Variants in EPHA6 observed in about 807,000 individuals in gnomAD.
EPHA6 encodes ephrin type-A receptor 6.
In EPHA6, 50 loss-of-function variants were observed where a neutral mutation model predicts 112.0. The ratio of observed to expected loss-of-function variants is 0.45; its 90% CI spans 0.36 to 0.56. The LOEUF (loss-of-function observed/expected upper bound fraction) is 0.56, where lower values mean the gene tolerates loss of function less well. Among genes scored for constraint, EPHA6 ranks in the 20% least tolerant of loss-of-function variants. The pLI is 0.00. For missense variants in EPHA6, 1,280 were observed against 1,417.4 expected (o/e 0.90, Z 1.56); for synonymous variants, 529 against 490.7 (o/e 1.08, Z -1.03).
chr3:97,653,456 T>A (rs878932526), intron 14 of EPHA6, among the ~76,000 whole-genome samples: 2 of 151,886 alleles, frequency 1.3e-5, no homozygotes, highest in Admixed American at 1.3e-4. Flanking sequence ...CAATAAGATA[T>A]CACCTCATAC....
chr3:97,210,720 A>G (rs1369254249), intron 3 of EPHA6, among the ~76,000 whole-genome samples: 1 of 152,008 alleles, frequency 6.6e-6, no homozygotes, highest in African/African-American at 2.4e-5. Context: ...AGTGCTACAT[A>G]AAAAAACACC....
intron 3 of EPHA6, among the ~76,000 whole-genome samples, chr3:97,130,392 G>C (rs750165821): frequency 3.4e-5 from 5 of 148,208 alleles, no homozygotes; most frequent in Non-Finnish European, 7.6e-5. Flanking sequence ...ATTGTAAATT[G>C]GTTTGGTCAT....
chr3:96,837,761 CAA>C (rs1316138945), intron 1 of EPHA6, among the ~76,000 whole-genome samples: 3 of 151,896 alleles, frequency 2.0e-5, no homozygotes. Flanking sequence ...AAAATTAAAA[CAA>C]AATATAAGGC....
intron 5 of EPHA6, among the ~76,000 whole-genome samples, chr3:97,272,321 TGTGTGTGTGTGTA>T (rs2079912524): frequency 9.9e-6 from 1 of 100,552 alleles, no homozygotes; most frequent in African/African-American, 2.9e-5. Flanking sequence ...TGTGTGTGTG[TGTGTGTGTGTGTA>T]CATACATATG....
chr3:97,013,488 C>G (rs1443077074), intron 3 of EPHA6, among the ~76,000 whole-genome samples: 1 of 152,066 alleles, frequency 6.6e-6, no homozygotes, highest in African/African-American at 2.4e-5. Flanking sequence ...CTAATATTTA[C>G]TGTGTACCCA....
intron 3 of EPHA6, among the ~76,000 whole-genome samples, chr3:97,001,337 A>G (rs1160760642): frequency 1.3e-5 from 2 of 151,944 alleles, no homozygotes; most frequent in African/African-American, 4.8e-5. Flanking sequence ...TAAGAAAATC[A>G]TCCCAGATGT....
intron 13 of EPHA6, among the ~76,000 whole-genome samples, chr3:97,623,540 T>C (rs1397493906): frequency 6.6e-6 from 1 of 151,702 alleles, no homozygotes; most frequent in Non-Finnish European, 1.5e-5. Context: ...CTTACTATCC[T>C]TCTAAGATGG....
chr3:97,672,092 G>T (rs1051411225), intron 14 of EPHA6, among the ~76,000 whole-genome samples: 1 of 152,128 alleles, frequency 6.6e-6, no homozygotes, highest in African/African-American at 2.4e-5. Flanking sequence ...AAAGAATCTA[G>T]TTAAATCCCA....
chr3:96,945,328 A>T (rs1406204524), intron 2 of EPHA6, among the ~76,000 whole-genome samples: 1 of 152,156 alleles, frequency 6.6e-6, no homozygotes, highest in Non-Finnish European at 1.5e-5. Flanking sequence ...TCCAGAGTTG[A>T]TGGATTCCTT....
rs1237699761 is a variant in EPHA6, at chr3:97,621,220, C to T, written c.2574+10366C>T. On this transcript the variant is annotated intron_variant, in intron 13 of 17. Transcript: ENST00000389672. ...AAGTGAGAACTAAATGATGAGAACA[C>T]ATGGACAACACATAGAAGGGAACAA... is the stretch of plus-strand genomic sequence containing the variant. Among the ~76,000 whole-genome samples, 4 of 151,886 alleles carry T rather than the reference C, an allele frequency of 2.6e-5. No homozygotes were observed. The South Asian group carries it at 6.2e-4, about 24-fold the overall frequency.
intron 15 of EPHA6, among the ~76,000 whole-genome samples, chr3:97,729,204 A>C (rs1576364820): frequency 6.6e-6 from 1 of 152,098 alleles, no homozygotes; most frequent in Non-Finnish European, 1.5e-5. Context: ...TTATTAGTAT[A>C]CCTAATTTCA....
At chr3:96,882,457 G>A (rs537577123) in intron 2 of EPHA6, among the ~76,000 whole-genome samples, 1 of 152,044 alleles carries the variant, frequency 6.6e-6, no homozygotes, top group African/African-American at 2.4e-5. Context: ...TATCACCTGA[G>A]CAGTATACAC....
intron 3 of EPHA6, among the ~76,000 whole-genome samples, chr3:97,120,727 T>C (rs79321080): frequency 6.6e-6 from 1 of 151,978 alleles, no homozygotes; most frequent in Non-Finnish European, 1.5e-5. Flanking sequence ...TAGATCATAA[T>C]ACCATGACTC....
At chr3:97,332,758 A>T (rs1024071632) in intron 5 of EPHA6, among the ~76,000 whole-genome samples, 13 of 152,102 alleles carry the variant, frequency 8.5e-5, no homozygotes, top group African/African-American at 3.1e-4. Context: ...TTTTGTCAAA[A>T]ATCACTTAGG....
At chr3:97,599,777 A>C (rs1346052496) in intron 12 of EPHA6, among the ~76,000 whole-genome samples, 1 of 152,080 alleles carries the variant, frequency 6.6e-6, no homozygotes, top group Non-Finnish European at 1.5e-5. Context: ...TATGAACTTT[A>C]AAGTAGTTTT....
At chr3:96,979,305 G>GT (rs1428175498) in intron 2 of EPHA6, among the ~76,000 whole-genome samples, 1 of 150,418 alleles carries the variant, frequency 6.6e-6, no homozygotes, top group African/African-American at 2.5e-5. Context: ...GCGGTGTTTG[G>GT]TTTTTTGTCC....
chr3:97,567,135 A>C (rs2093277157), intron 11 of EPHA6, among the ~76,000 whole-genome samples: 1 of 152,226 alleles, frequency 6.6e-6, no homozygotes, highest in South Asian at 2.1e-4. Flanking sequence ...TTATTGTTGT[A>C]GTGTAGAAAG....
intron 3 of EPHA6, among the ~76,000 whole-genome samples, chr3:97,176,731 G>A (rs1041627700): frequency 6.6e-6 from 1 of 151,790 alleles, no homozygotes; most frequent in Non-Finnish European, 1.5e-5. Flanking sequence ...TGCAGTATTA[G>A]TTGTAATGTC....
At chr3:96,938,447 T>C (rs1476523285) in intron 2 of EPHA6, among the ~76,000 whole-genome samples, 3 of 151,938 alleles carry the variant, frequency 2.0e-5, no homozygotes, top group Non-Finnish European at 4.4e-5. Context: ...GTGATTTTTG[T>C]ACATTGATTT....
Sources: allele counts gnomAD v4.1 joint callset (sites outside exome capture counted in the v4.1 genomes callset), GRCh38; gene constraint gnomAD v4.1.1; transcripts MANE v1.5; gene names NCBI Gene and HGNC (gene_info 2026-07-23, HGNC 2026-07-21).